PLCL2: variants seen among roughly 807,000 people sequenced by gnomAD.
PLCL2 encodes the protein phospholipase C like 2, also known as inactive phospholipase C-like protein 2.
In PLCL2, 4 loss-of-function variants were observed where a neutral mutation model predicts 79.6. The observed-to-expected ratio is 0.05, with a 90% CI of 0.02 to 0.11. The LOEUF (loss-of-function observed/expected upper bound fraction) is 0.11. Among genes scored for constraint, PLCL2 ranks in the 10% least tolerant of loss-of-function variants. The pLI is 1.00. For missense variants in PLCL2, 895 were observed against 1,291.0 expected, an observed-to-expected ratio of 0.69 and a Z score of 4.70; for synonymous variants, 484 against 457.7, an observed-to-expected ratio of 1.06 and a Z score of -0.73.
chr3:16,923,088 C>A (rs1697160531), intron 1 of PLCL2, among the ~76,000 whole-genome samples: 1 of 152,186 alleles, frequency 6.6e-6, no homozygotes, highest in Non-Finnish European at 1.5e-5. Context: ...GCTCGGCTCC[C>A]CCACAACCAC....
intron 3 of PLCL2, among the ~76,000 whole-genome samples, chr3:17,032,824 T>C (rs1217165635): frequency 6.6e-6 from 1 of 152,202 alleles, no homozygotes; most frequent in Non-Finnish European, 1.5e-5. Flanking sequence ...CACTTGTATA[T>C]GATAAGCATA....
chr3:17,027,183 A>G, intron 3 of PLCL2, among the ~76,000 whole-genome samples: 1 of 152,234 alleles, frequency 6.6e-6, no homozygotes, highest in East Asian at 1.9e-4. Flanking sequence ...TATCTCAAGT[A>G]CTTTGAGTCC....
rs2063644129 is a variant in PLCL2 at position 16,950,822 on chromosome 3, G to A, written c.328-58852G>A. 2.0e-5 allele frequency among the ~76,000 whole-genome samples: 3 copies of A among 152,152 alleles called. No homozygotes were observed. In the South Asian group the frequency reaches 6.2e-4, roughly 32 times the overall value. On this transcript the variant is annotated intron_variant, in intron 1 of 5. Transcript: ENST00000615277. ...TTTTATCTTTTAATTTGTTAATGTA[G>A]TAATGACCTTCATAGATTTTTTTCT...
intron 1 of PLCL2, among the ~76,000 whole-genome samples, chr3:16,892,507 G>A (rs1205722254): frequency 6.6e-6 from 1 of 152,026 alleles, no homozygotes; most frequent in Non-Finnish European, 1.5e-5. Context: ...TTATTTTTGA[G>A]GAACTGAATT....
Position 17,079,630 on chromosome 3 carries a change from C to T in PLCL2, c.3205-10103C>T, listed in dbSNP as rs189535840. Among the ~76,000 whole-genome samples, 1,492 of 152,366 alleles carry T rather than the reference C, an allele frequency of 9.8e-3. 16 individuals are homozygous for T. The highest frequency in any genetic ancestry group is 0.065 in the Middle Eastern group (19 of 294). ...CTGCCCTGAGTTTCCCCAATTCAGA[C>T]ACCGCCTCCTCCGTGGTGCTGCCGA... On this transcript the variant is annotated intron_variant, in intron 5 of 5. Transcript: ENST00000615277.
chr3:17,058,157 G>A (rs1007991253), intron 4 of PLCL2, among the ~76,000 whole-genome samples: 3 of 152,166 alleles, frequency 2.0e-5, no homozygotes, highest in African/African-American at 7.2e-5. Flanking sequence ...AAGGTGGTTT[G>A]TCTAAGAGCC....
intron 1 of PLCL2, among the ~76,000 whole-genome samples, chr3:16,988,094 T>C (rs1317342827): frequency 6.6e-6 from 1 of 152,086 alleles, no homozygotes; most frequent in African/African-American, 2.4e-5. Context: ...AGAAACCAAG[T>C]TGTAGTCCAA....
At chr3:17,014,113 A>G (rs565480167) in intron 2 of PLCL2, among the ~76,000 whole-genome samples, 1 of 152,266 alleles carries the variant, frequency 6.6e-6, no homozygotes, top group African/African-American at 2.4e-5. Context: ...AAAAAGAGAG[A>G]GAGAGGCATT....
intron 3 of PLCL2, among the ~76,000 whole-genome samples, chr3:17,039,613 A>G (rs1177697256): frequency 6.6e-6 from 1 of 152,200 alleles, no homozygotes; most frequent in Non-Finnish European, 1.5e-5. Context: ...AGGTGTGACA[A>G]CATGAATCAT....
Position 17,089,880 on chromosome 3 carries a change from C to G in PLCL2, c.3352C>G (p.Pro1118Ala). The G allele has an allele frequency of 6.2e-7, 1 of 1,613,086 alleles. No individual in the cohort carries two copies. Among genetic ancestry groups the G allele is most frequent in the Non-Finnish European group, 8.5e-7 (1 of 1,179,702 alleles). ...GCCACGCCGGAGCTTGGAAGTCATA[C>G]CCGAAAAAGCAAACGATGAAACTGG... ...QKPRRSLEVI[P>A]EKANDETGE is the part of the protein sequence containing the mutation. Residue 1118 changes from proline (P) to alanine (A), a missense_variant, in exon 6 of 6, where the codon CCC becomes GCC. Physicochemically the swap from Pro to Ala is conservative, Grantham distance 27. Around this residue, in one of 6 missense-constraint regions of PLCL2, gnomAD observed 298 missense variants for 459.6 expected, o/e 0.65. Transcript: ENST00000615277.
At chr3:17,022,302 A>G (rs1026496613) in intron 3 of PLCL2, among the ~76,000 whole-genome samples, 2 of 152,114 alleles carry the variant, frequency 1.3e-5, no homozygotes, top group Non-Finnish European at 2.9e-5. Context: ...TTTTCTTCCT[A>G]TGCAAAAGTA....
At chr3:16,902,792 A>G (rs968824025) in intron 1 of PLCL2, among the ~76,000 whole-genome samples, 1 of 144,640 alleles carries the variant, frequency 6.9e-6, no homozygotes, top group Non-Finnish European at 1.5e-5. Context: ...ATGCCACTGC[A>G]CTCCAGCCTG....
chr3:17,088,632 C>A (rs183866211), intron 5 of PLCL2, among the ~76,000 whole-genome samples: 186 of 152,288 alleles, frequency 1.2e-3, no homozygotes, highest in Non-Finnish European at 2.0e-3. Context: ...GATGCATTAG[C>A]CCAGTGGTTT....
chr3:17,006,955 T>C (rs978860954), intron 1 of PLCL2, among the ~76,000 whole-genome samples: 1 of 152,168 alleles, frequency 6.6e-6, no homozygotes, highest in Non-Finnish European at 1.5e-5. Flanking sequence ...AGAATATTAA[T>C]CAGCCTGTAA....
At chr3:17,004,088 T>G (rs1299872355) in intron 1 of PLCL2, among the ~76,000 whole-genome samples, 1 of 152,216 alleles carries the variant, frequency 6.6e-6, no homozygotes, top group African/African-American at 2.4e-5. Context: ...CAGTTTCTTG[T>G]GTCCTATTTC....
At chr3:17,081,276 A>G in intron 5 of PLCL2, 3 of 456,476 alleles carry the variant, frequency 6.6e-6, no homozygotes, top group Non-Finnish European at 1.3e-5. Context: ...CTCACACTGC[A>G]TGTGATTTGG....
chr3:17,068,788 A>G (rs2065034262), intron 5 of PLCL2, among the ~76,000 whole-genome samples: 1 of 152,214 alleles, frequency 6.6e-6, no homozygotes, highest in African/African-American at 2.4e-5. Context: ...GTAATGTGAC[A>G]TAATTTTTAA....
intron 1 of PLCL2, among the ~76,000 whole-genome samples, chr3:16,999,924 T>A (rs1044098383): frequency 9.2e-5 from 14 of 152,216 alleles, no homozygotes; most frequent in African/African-American, 3.4e-4. Flanking sequence ...TCTCTGCCTT[T>A]ACTCTGGCAT....
chr3:16,920,198 G>C (rs1047072092), intron 1 of PLCL2, among the ~76,000 whole-genome samples: 1 of 152,090 alleles, frequency 6.6e-6, no homozygotes, highest in Non-Finnish European at 1.5e-5. Context: ...TGGAACAATA[G>C]GTACTTGAGT....
Sources: allele counts gnomAD v4.1 joint callset (sites outside exome capture counted in the v4.1 genomes callset), GRCh38; gene constraint gnomAD v4.1.1; regional missense constraint gnomAD v4.1.1; transcripts MANE v1.5; gene names NCBI Gene and HGNC (gene_info 2026-07-23, HGNC 2026-07-21).